Variants in SLC35F4 observed in about 807,000 individuals in gnomAD.
The protein encoded by SLC35F4 is chromosome 14 open reading frame 36.
SLC35F4 carries 24 observed loss-of-function variants against 44.2 expected under a neutral mutation model. The ratio of observed to expected loss-of-function variants is 0.54; its 90% CI spans 0.39 to 0.76. The LOEUF (loss-of-function observed/expected upper bound fraction) is 0.76. Among genes scored for constraint, SLC35F4 ranks in the 30% least tolerant of loss-of-function variants. The pLI, the probability that SLC35F4 is intolerant of heterozygous loss-of-function variation, is 0.00. For synonymous variants in SLC35F4, 238 were observed against 223.6 expected (o/e 1.06, Z -0.57); for missense variants, 562 against 586.1 (o/e 0.96, Z 0.42).
chr14:57,872,959 C>T (rs1828928466), intron 1 of SLC35F4, among the ~76,000 whole-genome samples: 1 of 152,224 alleles, frequency 6.6e-6, no homozygotes, highest in African/African-American at 2.4e-5. Flanking sequence ...CCTGCTCCAC[C>T]AATCACAGCA....
rs114196932 is a variant in SLC35F4 at position 57,947,640 on chromosome 14, C to T, written n.282+34273G>A. Reference sequence around the variant, plus strand: ...GGAATGCCTTCAACATTTCCTCATTCGGTGTTATGTTGGCTGTGGATTTGT... The same window carrying T: ...GGAATGCCTTCAACATTTCCTCATTTGGTGTTATGTTGGCTGTGGATTTGT... On this transcript the variant is annotated intron_variant and non_coding_transcript_variant, in intron 1 of 1. Transcript: ENST00000556568. Among the ~76,000 whole-genome samples the T allele has an allele frequency of 3.7e-3, 556 of 152,186 alleles. 3 individuals are homozygous for T. Among genetic ancestry groups the T allele is most frequent in the African/African-American group, 0.013 (531 of 41,514 alleles).
rs1296801019 is a variant in SLC35F4 at position 57,940,854 on chromosome 14, C to G, written n.282+41059G>C. Among the ~76,000 whole-genome samples, 3 of 152,182 alleles carry G rather than the reference C, an allele frequency of 2.0e-5. No homozygotes were observed. The South Asian group carries it at 6.2e-4, about 31-fold the overall frequency. ...GTTCCATGATCTCAGGCCCCACTCC[C>G]TCCCAGGTTCAAAGGCAGTAATGCT... On this transcript the variant is annotated intron_variant and non_coding_transcript_variant, in intron 1 of 1. Transcript: ENST00000556568.
intron 1 of SLC35F4, among the ~76,000 whole-genome samples, chr14:57,747,243 G>T (rs903999537): frequency 6.6e-6 from 1 of 152,174 alleles, no homozygotes; most frequent in Non-Finnish European, 1.5e-5. Flanking sequence ...GCCTTAGAGG[G>T]CACGTGCTTA....
At chr14:57,606,667 C>A (rs981698600) in intron 1 of SLC35F4, among the ~76,000 whole-genome samples, 1 of 152,154 alleles carries the variant, frequency 6.6e-6, no homozygotes, top group Non-Finnish European at 1.5e-5. Context: ...TGTCCTCTTG[C>A]AATGTCAACC....
At chr14:57,910,631 A>G (rs556469869) in intron 1 of SLC35F4, among the ~76,000 whole-genome samples, 83 of 152,114 alleles carry the variant, frequency 5.5e-4, no homozygotes, top group African/African-American at 2.0e-3. Context: ...TTCTGCCCCC[A>G]TTGAACTATT....
intron 1 of SLC35F4, among the ~76,000 whole-genome samples, chr14:57,957,957 G>T (rs1234302764): frequency 6.6e-6 from 1 of 152,140 alleles, no homozygotes; most frequent in Non-Finnish European, 1.5e-5. Flanking sequence ...AGTGTTTGCT[G>T]TGACTTTATA....
chr14:57,745,291 C>A lies in SLC35F4; in HGVS notation c.103+120432G>T, dbSNP rs184929189. On this transcript the variant is annotated intron_variant, in intron 1 of 7. Coordinates refer to ENST00000556826, the MANE Select transcript of SLC35F4 (RefSeq NM_001306087.2). Reference sequence around the variant, plus strand: ...CAAGAGAAACTACCATCAGAGTGAACAGGCAACCTACAGAAAGGGAGAAAA... The same window carrying A: ...CAAGAGAAACTACCATCAGAGTGAAAAGGCAACCTACAGAAAGGGAGAAAA... Among the ~76,000 whole-genome samples the A allele has an allele frequency of 2.3e-3, 343 of 152,284 alleles. 1 individual carries two copies. The highest frequency in any genetic ancestry group is 7.3e-3 in the African/African-American group (305 of 41,544).
At chr14:57,881,281 AT>A (rs1888529208) in intron 1 of SLC35F4, among the ~76,000 whole-genome samples, 1 of 152,110 alleles carries the variant, frequency 6.6e-6, no homozygotes, top group Non-Finnish European at 1.5e-5. Flanking sequence ...TTATGAGTTT[AT>A]TTTCTCTGGA....
At chr14:57,957,846 T>C (rs538255047) in intron 1 of SLC35F4, among the ~76,000 whole-genome samples, 12 of 152,298 alleles carry the variant, frequency 7.9e-5, no homozygotes, top group Admixed American at 3.3e-4. Context: ...TCTATCTGAA[T>C]GAGTTATTTT....
intron 1 of SLC35F4, among the ~76,000 whole-genome samples, chr14:57,655,880 A>G (rs1455553082): frequency 1.3e-5 from 2 of 152,128 alleles, no homozygotes; most frequent in East Asian, 1.9e-4. Context: ...CTAGGTTAGC[A>G]TGGTTATCCC....
intron 1 of SLC35F4, chr14:57,596,669 A>C: frequency 1.4e-6 from 1 of 730,378 alleles, no homozygotes; most frequent in Non-Finnish European, 2.3e-6. Context: ...ATTGAGATCA[A>C]ATATTGTCCA....
chr14:57,734,700 T>A (rs1236696769), intron 1 of SLC35F4, among the ~76,000 whole-genome samples: 2 of 152,084 alleles, frequency 1.3e-5, no homozygotes, highest in Admixed American at 6.6e-5. Context: ...AATACCAAAT[T>A]TGGAAAAAGA....
intron 1 of SLC35F4, among the ~76,000 whole-genome samples, chr14:57,700,856 A>G (rs950979131): frequency 6.6e-6 from 1 of 152,176 alleles, no homozygotes; most frequent in Non-Finnish European, 1.5e-5. Flanking sequence ...CAGTGAGCCA[A>G]GATCACATCA....
chr14:57,564,525 T>C (rs777250102), intron 7 of SLC35F4, 149 bp from the exon 8 acceptor site: 1 of 1,057,244 alleles, frequency 9.5e-7, no homozygotes, highest in Non-Finnish European at 1.3e-6. Flanking sequence ...TTGCTAGGTT[T>C]GCTTTCCACT....
At chr14:57,939,287 G>A (rs890118448) in intron 1 of SLC35F4, among the ~76,000 whole-genome samples, 2 of 152,140 alleles carry the variant, frequency 1.3e-5, no homozygotes, top group Non-Finnish European at 2.9e-5. Flanking sequence ...TGGGGCTGAG[G>A]CCAAATAAGG....
chr14:57,688,682 T>C (rs1364844417), intron 1 of SLC35F4, among the ~76,000 whole-genome samples: 1 of 152,124 alleles, frequency 6.6e-6, no homozygotes, highest in Non-Finnish European at 1.5e-5. Context: ...GTGAGAACAA[T>C]TCTATCTAGA....
At chr14:57,948,664 G>A (rs1034606624) in intron 1 of SLC35F4, among the ~76,000 whole-genome samples, 2 of 151,976 alleles carry the variant, frequency 1.3e-5, no homozygotes, top group African/African-American at 4.8e-5. Context: ...TTTGATGTAG[G>A]CCTTTAATGC....
chr14:57,577,606 A>G (rs2068884571), intron 4 of SLC35F4, among the ~76,000 whole-genome samples: 1 of 152,180 alleles, frequency 6.6e-6, no homozygotes, highest in South Asian at 2.1e-4. Context: ...TGTAAAACAG[A>G]TACCAACAGC....
At chr14:57,882,304 C>A (rs1214777434) in intron 1 of SLC35F4, among the ~76,000 whole-genome samples, 1 of 152,196 alleles carries the variant, frequency 6.6e-6, no homozygotes, top group African/African-American at 2.4e-5. Context: ...AGATCATTTT[C>A]AGAATCCAGG....
Sources: allele counts gnomAD v4.1 joint callset (sites outside exome capture counted in the v4.1 genomes callset), GRCh38; gene constraint gnomAD v4.1.1; transcripts MANE v1.5; gene names NCBI Gene and HGNC (gene_info 2026-07-23, HGNC 2026-07-21).